NAALADL2: variants seen among roughly 807,000 people sequenced by gnomAD.
NAALADL2 encodes inactive N-acetylated-alpha-linked acidic dipeptidase-like protein 2.
In NAALADL2, 76 loss-of-function variants were observed where a neutral mutation model predicts 87.2. The observed-to-expected ratio is 0.87, with a 90% CI of 0.72 to 1.05. NAALADL2 has a LOEUF of 1.05. Ranked by LOEUF, NAALADL2 falls within the 50% of genes least tolerant of loss-of-function variation. NAALADL2 has a pLI of 0.00. For synonymous variants in NAALADL2, 354 were observed against 331.0 expected (o/e 1.07, Z -0.75); for missense variants, 1,089 against 945.8 (o/e 1.15, Z -1.99).
At chr3:175,565,829 C>CCTT (rs761702652) in intron 9 of NAALADL2, among the ~76,000 whole-genome samples, 1 of 114,818 alleles carries the variant, frequency 8.7e-6, no homozygotes, top group African/African-American at 3.4e-5. Flanking sequence ...AGCCCCCCCC[C>CCTT]TTTTTTTTTT....
At chr3:175,651,663 A>G (rs1730784063) in intron 11 of NAALADL2, among the ~76,000 whole-genome samples, 1 of 152,212 alleles carries the variant, frequency 6.6e-6, no homozygotes, top group African/African-American at 2.4e-5. Flanking sequence ...AATTATTTTT[A>G]TCCCTTCAAT....
Position 175,250,452 on chromosome 3 carries a change from T to A in NAALADL2, c.820-5959T>A, listed in dbSNP as rs182450949. On this transcript the variant is annotated intron_variant, in intron 3 of 13. Coordinates refer to ENST00000454872, the MANE Select transcript of NAALADL2 (RefSeq NM_207015.3). ...GTTTAAGCCATCCAGCCTATGGTAT[T>A]TTGTTATGACAGCCAATTCTCAGAG... Among the ~76,000 whole-genome samples, 353 of 152,294 alleles carry A rather than the reference T, an allele frequency of 2.3e-3. 1 individual carries two copies. The highest frequency in any genetic ancestry group is 8.2e-3 in the African/African-American group (343 of 41,576).
At chr3:174,592,032 C>T (rs571942543) in intron 2 of NAALADL2, among the ~76,000 whole-genome samples, 7 of 151,856 alleles carry the variant, frequency 4.6e-5, no homozygotes, top group Non-Finnish European at 7.4e-5. Flanking sequence ...AAGTGTCATA[C>T]GTGTGTGAGT....
chr3:175,806,937 G>A lies in NAALADL2; in HGVS notation c.*3734G>A, dbSNP rs1340446247. The A allele has an allele frequency of 1.3e-5, 2 of 151,690 alleles. No homozygotes were observed. Among genetic ancestry groups the A allele is most frequent in the Admixed American group, 6.6e-5 (1 of 15,150 alleles). 9.4% of individuals were successfully genotyped at this position (151,690 alleles called of 1,614,324 possible). ...ATATTTCTCCAAAACTGATCAGACT[G>A]TGGAGTCTGTCACTTTTTTGGTATA... On this transcript the variant is annotated 3_prime_UTR_variant, in exon 14 of 14. Transcript: ENST00000454872.
chr3:174,495,236 G>C (rs1452768400), intron 1 of NAALADL2, among the ~76,000 whole-genome samples: 1 of 141,328 alleles, frequency 7.1e-6, no homozygotes, highest in Non-Finnish European at 1.5e-5. Context: ...GTGTAGAGTT[G>C]CTTAAGGAAA....
intron 9 of NAALADL2, among the ~76,000 whole-genome samples, chr3:175,492,717 A>T (rs2149348368): frequency 6.6e-6 from 1 of 152,306 alleles, no homozygotes; most frequent in East Asian, 1.9e-4. Context: ...ATATGTGTTC[A>T]TCTATACGTA....
intron 1 of NAALADL2, among the ~76,000 whole-genome samples, chr3:174,930,914 G>A (rs536930426): frequency 3.3e-5 from 5 of 151,908 alleles, no homozygotes; most frequent in South Asian, 4.2e-4. Context: ...GAGCCACCAC[G>A]CCCGGCCAAG....
intron 2 of NAALADL2, among the ~76,000 whole-genome samples, chr3:175,130,677 AGAATTAT>A (rs1727690801): frequency 6.6e-6 from 1 of 152,228 alleles, no homozygotes; most frequent in African/African-American, 2.4e-5. Context: ...AGGGTCAGAT[AGAATTAT>A]GTATTTGTTT....
intron 2 of NAALADL2, among the ~76,000 whole-genome samples, chr3:174,551,675 A>G (rs1168957045): frequency 2.0e-5 from 3 of 152,226 alleles, no homozygotes. Context: ...TTTACTAATA[A>G]CTAATATCCT....
chr3:174,576,116 G>A (rs969599578), intron 2 of NAALADL2, among the ~76,000 whole-genome samples: 1 of 152,072 alleles, frequency 6.6e-6, no homozygotes, highest in East Asian at 1.9e-4. Flanking sequence ...ACTCACCTCG[G>A]CTTCACAAAG....
At chr3:175,461,898 A>G (rs1480821635) in intron 6 of NAALADL2, among the ~76,000 whole-genome samples, 1 of 152,148 alleles carries the variant, frequency 6.6e-6, no homozygotes, top group Non-Finnish European at 1.5e-5. Flanking sequence ...CAGAACTATG[A>G]GACAATAAAA....
intron 2 of NAALADL2, among the ~76,000 whole-genome samples, chr3:175,123,344 G>A (rs9882093): frequency 0.61 from 91,724 of 151,606 alleles, 28,263 homozygotes; most frequent in African/African-American, 0.73. Flanking sequence ...ACTAATAGAT[G>A]GTAGGGCAAT....
chr3:175,479,804 T>C (rs1215245231), intron 9 of NAALADL2, among the ~76,000 whole-genome samples: 1 of 151,742 alleles, frequency 6.6e-6, no homozygotes, highest in Non-Finnish European at 1.5e-5. Context: ...AATTATAATT[T>C]TAAGGTGAGA....
chr3:174,485,503 A>G (rs1347714403), intron 1 of NAALADL2, among the ~76,000 whole-genome samples: 2 of 149,726 alleles, frequency 1.3e-5, no homozygotes, highest in African/African-American at 2.5e-5. Flanking sequence ...ATGTGTTCAT[A>G]TGTTCTCATC....
At position 175,219,177 on chromosome 3, in the gene NAALADL2, A is replaced by G. The variant is rs576396955; in HGVS notation, c.546-14754A>G. On this transcript the variant is annotated intron_variant, in intron 2 of 13. Transcript: ENST00000454872. ...GACTATTATATATTCTTGCCAGCAGAATATGAGAAATCTAGTTAGTCCATA... is the reference window on the plus strand; with the variant it reads ...GACTATTATATATTCTTGCCAGCAGGATATGAGAAATCTAGTTAGTCCATA... 7.2e-5 allele frequency among the ~76,000 whole-genome samples: 11 copies of G among 152,242 alleles called. No homozygotes were observed. In the South Asian group the frequency reaches 2.3e-3, roughly 32 times the overall value.
At chr3:175,419,722 T>C (rs1715331784) in intron 5 of NAALADL2, among the ~76,000 whole-genome samples, 1 of 151,938 alleles carries the variant, frequency 6.6e-6, no homozygotes. Context: ...TATAAGTATT[T>C]AAGAAATTTC....
At chr3:175,072,061 T>C (rs1056998419) in intron 1 of NAALADL2, among the ~76,000 whole-genome samples, 5 of 152,056 alleles carry the variant, frequency 3.3e-5, no homozygotes, top group African/African-American at 1.2e-4. Context: ...GTTCAGAAAA[T>C]ATGGTCACAG....
At chr3:174,614,844 G>A (rs946778975) in intron 2 of NAALADL2, among the ~76,000 whole-genome samples, 1 of 152,032 alleles carries the variant, frequency 6.6e-6, no homozygotes, top group African/African-American at 2.4e-5. Flanking sequence ...TTCCTAGAGT[G>A]TCTAAAATCT....
At chr3:174,680,510 A>G (rs927059540) in intron 2 of NAALADL2, among the ~76,000 whole-genome samples, 5 of 152,106 alleles carry the variant, frequency 3.3e-5, no homozygotes, top group Non-Finnish European at 7.4e-5. Flanking sequence ...TTGTTTTGGC[A>G]TTTATCTGAA....
Sources: allele counts gnomAD v4.1 joint callset (sites outside exome capture counted in the v4.1 genomes callset), GRCh38; gene constraint gnomAD v4.1.1; transcripts MANE v1.5; gene names NCBI Gene and HGNC (gene_info 2026-07-23, HGNC 2026-07-21).